The following CCDC18 variants were observed in gnomAD, a reference collection of about 807,000 sequenced individuals.
The protein encoded by CCDC18 is coiled-coil domain-containing protein 18.
A neutral mutation model predicts 196.0 loss-of-function variants in CCDC18; 157 were observed. That is an observed-to-expected ratio of 0.80 (90% CI 0.70 to 0.91). CCDC18 has a LOEUF of 0.91. Among genes scored for constraint, CCDC18 ranks in the 40% least tolerant of loss-of-function variants. The pLI, the probability that CCDC18 is intolerant of heterozygous loss-of-function variation, is 0.00. For missense variants in CCDC18, 1,465 were observed against 1,611.6 expected, an observed-to-expected ratio of 0.91 and a Z score of 1.56; for synonymous variants, 482 against 529.2, an observed-to-expected ratio of 0.91 and a Z score of 1.22.
intron 1 of CCDC18, among the ~76,000 whole-genome samples, chr1:93,181,233 A>C: frequency 8.9e-6 from 1 of 112,162 alleles, no homozygotes; most frequent in Non-Finnish European, 1.7e-5. Context: ...AGACGGATGT[A>C]AGATTAGCTG....
At chr1:93,269,687 T>C (rs967370733) in intron 27 of CCDC18, 2 of 152,170 alleles carry the variant, frequency 1.3e-5, no homozygotes, top group African/African-American at 4.8e-5. Context: ...ACTTACATTA[T>C]TAAGCTTTTG....
chr1:93,270,584 C>T lies in CCDC18; in HGVS notation c.4123C>T (p.Leu1375=), dbSNP rs756714005. The change falls in exon 28 of 29, where the codon CTA becomes TTA. Residue 1375 remains leucine (L), a synonymous_variant. Coordinates refer to ENST00000690025, the MANE Select transcript of CCDC18 (RefSeq NM_001378204.1). ...TGATGAAGATCTTTCTGAAGAATTA[C>T]TACAGGACTTAAAGAAAATGCAATT... is the stretch of plus-strand genomic sequence containing the variant. The part of the protein sequence containing the change: ...HGDEDLSEEL[L]QDLKKMQLEQ... 8 of 1,550,248 alleles carry T rather than the reference C, an allele frequency of 5.2e-6. No individual in the cohort carries two copies. Among genetic ancestry groups the T allele is most frequent in the Admixed American group, 2.0e-5 (1 of 50,982 alleles).
chr1:93,276,360 A>AT (rs1461060374), intron 28 of CCDC18, among the ~76,000 whole-genome samples: 1 of 152,236 alleles, frequency 6.6e-6, no homozygotes, highest in African/African-American at 2.4e-5. Flanking sequence ...TTAGAACACA[A>AT]TATCAGCAAG....
At chr1:93,258,618 AAGTT>A in intron 25 of CCDC18, 126 bp from the exon 26 acceptor site, 1 of 585,282 alleles carries the variant, frequency 1.7e-6, no homozygotes, top group Non-Finnish European at 2.7e-6. Context: ...ACTATTTAGT[AAGTT>A]AACTTTGTGT....
chr1:93,184,930 A>G (rs1452063945), intron 3 of CCDC18, among the ~76,000 whole-genome samples: 1 of 151,970 alleles, frequency 6.6e-6, no homozygotes, highest in African/African-American at 2.4e-5. Flanking sequence ...ATCCTCATTC[A>G]AATTGCTGAT....
chr1:93,217,783 G>T lies in CCDC18; in HGVS notation c.1876G>T (p.Glu626Ter). 6.2e-7 allele frequency: 1 copy of T among 1,609,020 alleles called. No homozygotes were observed. The highest frequency in any genetic ancestry group is 1.1e-5 in the South Asian group (1 of 90,970). Residue 626 changes from glutamate (E) to a stop codon, truncating the protein, a stop_gained, in exon 14 of 29, where the codon GAG becomes TAG. Coordinates refer to ENST00000690025, the MANE Select transcript of CCDC18 (RefSeq NM_001378204.1). LOFTEE classifies it high-confidence loss of function. ...IRSLETNINT[E>*]HEKICLAFEK... ...GAGTCTAGAAACCAATATTAATACA[G>T]AGCATGAGAAAATTTGTTTAGCCTT...
chr1:93,247,023 C>T (rs988278388), intron 23 of CCDC18, 69 bp downstream of exon 23: 38 of 678,528 alleles, frequency 5.6e-5, no homozygotes, highest in East Asian at 2.4e-4. Context: ...TAAAAACACC[C>T]CTTCAAATAG....
chr1:93,215,631 T>A (rs546781980), intron 12 of CCDC18, among the ~76,000 whole-genome samples: 67 of 152,218 alleles, frequency 4.4e-4, no homozygotes, highest in African/African-American at 1.5e-3. Context: ...TAAGTTTTTT[T>A]ATTTTTTATT....
intron 27 of CCDC18, among the ~76,000 whole-genome samples, chr1:93,269,070 T>TA (rs1166475507): frequency 1.3e-5 from 2 of 152,036 alleles, no homozygotes; most frequent in Admixed American, 6.6e-5. Flanking sequence ...ATGTGGCACA[T>TA]ATACACCATG....
chr1:93,211,590 C>T (rs547971183), intron 10 of CCDC18, among the ~76,000 whole-genome samples: 2 of 152,158 alleles, frequency 1.3e-5, no homozygotes, highest in South Asian at 4.2e-4. Flanking sequence ...CAAATATGTA[C>T]CGTATACTGT....
chr1:93,231,183 A>G (rs1022275707), intron 17 of CCDC18, among the ~76,000 whole-genome samples: 7 of 152,214 alleles, frequency 4.6e-5, no homozygotes, highest in East Asian at 1.9e-4. Flanking sequence ...CTCTTCCGCT[A>G]TTTACTATAA....
chr1:93,255,883 A>T (rs1662896822), intron 24 of CCDC18, among the ~76,000 whole-genome samples: 1 of 152,212 alleles, frequency 6.6e-6, no homozygotes. Flanking sequence ...TGGGAGTAGC[A>T]GCCCCAGTGA....
chr1:93,223,778 A>G (rs1415927565), intron 16 of CCDC18, among the ~76,000 whole-genome samples: 11 of 152,066 alleles, frequency 7.2e-5, no homozygotes. Context: ...AGAAGAGTTT[A>G]CCTTCTTTTT....
chr1:93,188,381 T>TACCA (rs1651088693), intron 4 of CCDC18, among the ~76,000 whole-genome samples: 1 of 152,214 alleles, frequency 6.6e-6, no homozygotes, highest in Admixed American at 6.5e-5. Context: ...TCTTTGGTGT[T>TACCA]GTTCTAGGTT....
chr1:93,214,887 C>T lies in CCDC18; in HGVS notation c.1640C>T (p.Ala547Val). 4 of 1,613,358 alleles carry T rather than the reference C, an allele frequency of 2.5e-6. No homozygotes were observed. The highest frequency in any genetic ancestry group is 3.4e-6 in the Non-Finnish European group (4 of 1,179,626). The change falls in exon 12 of 29, where the codon GCT becomes GTT. Residue 547 changes from alanine to valine, a missense_variant. Ala to Val is a moderately conservative substitution (Grantham distance 64). Coordinates refer to ENST00000690025, the MANE Select transcript of CCDC18 (RefSeq NM_001378204.1). The stretch of plus-strand genomic sequence containing the variant: ...AATTCTGATTTGAAGGTTAACATGG[C>T]TCACAGAACTAGTCAGTTTCAGCTG... ...AENSDLKVNM[A>V]HRTSQFQLIQ...
At chr1:93,216,608 T>A in intron 12 of CCDC18, 28 bp from the exon 13 acceptor site, 1 of 1,156,732 alleles carries the variant, frequency 8.6e-7, no homozygotes, top group East Asian at 2.5e-5. Context: ...TAAAAAATAA[T>A]TTTACATTTA....
chr1:93,273,137 T>C (rs1242054687), intron 28 of CCDC18, among the ~76,000 whole-genome samples: 2 of 152,042 alleles, frequency 1.3e-5, no homozygotes, highest in Non-Finnish European at 2.9e-5. Context: ...GGCGCAATCT[T>C]GGCTCACTGC....
chr1:93,206,153 C>G (rs1410723028), intron 8 of CCDC18, among the ~76,000 whole-genome samples: 1 of 151,914 alleles, frequency 6.6e-6, no homozygotes, highest in African/African-American at 2.4e-5. Flanking sequence ...TTAATATTAA[C>G]CAGTCTTTAT....
At chr1:93,227,990 T>TATATA (rs1398115550) in intron 17 of CCDC18, among the ~76,000 whole-genome samples, 1 of 121,140 alleles carries the variant, frequency 8.3e-6, no homozygotes, top group Admixed American at 7.9e-5. Flanking sequence ...ATATATATAT[T>TATATA]TATTTATATT....
Sources: allele counts gnomAD v4.1 joint callset (sites outside exome capture counted in the v4.1 genomes callset), GRCh38; gene constraint gnomAD v4.1.1; transcripts MANE v1.5; gene names NCBI Gene and HGNC (gene_info 2026-07-23, HGNC 2026-07-21).